PUDP: variants seen among roughly 807,000 people sequenced by gnomAD.
PUDP encodes pseudouridine 5'-phosphatase.
Under a neutral mutation model 9.4 loss-of-function variants are expected in PUDP, and 8 were observed. The ratio of observed to expected loss-of-function variants is 0.85; its 90% CI spans 0.50 to 1.53. The LOEUF is 1.53. PUDP is among the 40% of genes most tolerant of loss of function. PUDP has a pLI of 0.00. For missense variants in PUDP, 188 were observed against 189.7 expected (o/e 0.99, Z 0.05); for synonymous variants, 99 against 80.7 (o/e 1.23, Z -1.22).
At chrX:6,768,101 C>T (rs1168146650) in intron 3 of PUDP, among the ~76,000 whole-genome samples, 1 of 111,764 alleles carries the variant, frequency 8.9e-6, no homozygotes, top group East Asian at 2.8e-4. Flanking sequence ...TAAGAATAAT[C>T]CAATGTTGGA....
At chrX:6,922,391 CACAA>C (rs1158544080) in intron 3 of PUDP, among the ~76,000 whole-genome samples, 4 of 110,951 alleles carry the variant, frequency 3.6e-5, no homozygotes, top group Non-Finnish European at 7.5e-5. Flanking sequence ...ACTATATACC[CACAA>C]AAATTTTTTA....
chrX:6,970,151 G>C (rs765803992), intron 3 of PUDP, among the ~76,000 whole-genome samples: 2 of 111,970 alleles, frequency 1.8e-5, no homozygotes, highest in Admixed American at 1.9e-4. Flanking sequence ...AAGATCCAAA[G>C]AAATATAGCA....
At chrX:6,922,972 CT>C in intron 3 of PUDP, among the ~76,000 whole-genome samples, 1 of 112,228 alleles carries the variant, frequency 8.9e-6, no homozygotes, top group East Asian at 2.8e-4. Flanking sequence ...TTGCCACTTT[CT>C]TTTCTACCAT....
chrX:7,017,745 C>A lies in PUDP; in HGVS notation c.205-39402G>T, dbSNP rs920107483. On this transcript the variant is annotated intron_variant and NMD_transcript_variant, in intron 1 of 3. Transcript: ENST00000655425. ...CAATGTTTTCCCAAAACAGAAGTAA[C>A]ATGAGCACATGTGGAACTGTCAGAG... Among the ~76,000 whole-genome samples the A allele has an allele frequency of 3.6e-5, 4 of 111,968 alleles. 1 individual carries two copies. Among genetic ancestry groups the A allele is most frequent in the African/African-American group, 1.3e-4 (4 of 30,730 alleles).
At chrX:7,069,146 C>T (rs1328791113) in intron 3 of PUDP, among the ~76,000 whole-genome samples, 2 of 111,594 alleles carry the variant, frequency 1.8e-5, no homozygotes, top group Non-Finnish European at 1.9e-5. Context: ...TGGATGAGGG[C>T]GGATGGGCAT....
chrX:7,116,912 C>T (rs1602806953), intron 1 of PUDP: 1 of 1,160,548 alleles, frequency 8.6e-7, no homozygotes, highest in East Asian at 3.3e-5. Context: ...TACCTCCCCC[C>T]AACTCTCTCT....
At chrX:6,955,472 C>G (rs1438354307) in intron 3 of PUDP, among the ~76,000 whole-genome samples, 7 of 111,149 alleles carry the variant, frequency 6.3e-5, no homozygotes, top group African/African-American at 2.3e-4. Context: ...CTTAACATAA[C>G]CAGATTATGT....
chrX:7,004,581 C>T (rs557633148), intron 1 of PUDP, among the ~76,000 whole-genome samples: 2 of 112,085 alleles, frequency 1.8e-5, no homozygotes, highest in African/African-American at 3.2e-5. Context: ...GAAAGGTTTG[C>T]CTTTTATTCC....
At chrX:6,746,574 A>C (rs984814129) in intron 3 of PUDP, among the ~76,000 whole-genome samples, 5 of 107,452 alleles carry the variant, frequency 4.7e-5, no homozygotes, top group Non-Finnish European at 7.7e-5. Flanking sequence ...CCCCCACCCC[A>C]TCCCCCAACA....
chrX:6,815,836 T>C (rs1391095634), intron 3 of PUDP, among the ~76,000 whole-genome samples: 1 of 109,270 alleles, frequency 9.2e-6, no homozygotes, highest in Non-Finnish European at 1.9e-5. Flanking sequence ...CTATACCAAA[T>C]CCTCCCATAA....
At chrX:6,934,516 C>T (rs1214764163) in intron 3 of PUDP, among the ~76,000 whole-genome samples, 2 of 109,817 alleles carry the variant, frequency 1.8e-5, no homozygotes, top group African/African-American at 3.3e-5. Flanking sequence ...CGGTACCAGC[C>T]GCTGCAAAAT....
At chrX:6,750,761 T>C (rs140481179) in intron 3 of PUDP, among the ~76,000 whole-genome samples, 1,818 of 112,053 alleles carry the variant, frequency 0.016, 46 homozygotes, top group African/African-American at 0.056. Context: ...CAGTAACTAC[T>C]TCAACAGGAA....
intron 3 of PUDP, among the ~76,000 whole-genome samples, chrX:6,918,408 A>G (rs1927967866): frequency 8.9e-6 from 1 of 112,093 alleles, no homozygotes; most frequent in African/African-American, 3.2e-5. Flanking sequence ...GCTGATCCTC[A>G]TTGCAGTATG....
Position 6,874,139 on chromosome X carries a change from A to T in PUDP, c.*247+102994T>A, listed in dbSNP as rs1460305149. Reference sequence around the variant, plus strand: ...CCAGAGAGAGACCCCATCTCTTAAAAAAAAAAGAAAGAAAGGATTTTTTTT... The same window carrying T: ...CCAGAGAGAGACCCCATCTCTTAAATAAAAAAGAAAGAAAGGATTTTTTTT... On this transcript the variant is annotated intron_variant and NMD_transcript_variant, in intron 3 of 3. Coordinates refer to the PUDP transcript ENST00000655425. 4.5e-5 allele frequency among the ~76,000 whole-genome samples: 5 copies of T among 110,759 alleles called. No individual in the cohort carries two copies. The Admixed American group carries it at 4.8e-4, about 11-fold the overall frequency.
At chrX:6,854,110 G>A (rs1268294232) in intron 3 of PUDP, among the ~76,000 whole-genome samples, 1 of 111,746 alleles carries the variant, frequency 8.9e-6, no homozygotes, top group Non-Finnish European at 1.9e-5. Context: ...TCACATATCA[G>A]TACTTCCTTC....
chrX:7,138,919 T>C (rs922138792), intron 1 of PUDP, among the ~76,000 whole-genome samples: 2 of 111,971 alleles, frequency 1.8e-5, no homozygotes, highest in Admixed American at 1.9e-4. Context: ...TAATACAGTC[T>C]TTGCTTGATA....
chrX:6,818,589 T>C (rs1926288565), intron 3 of PUDP, among the ~76,000 whole-genome samples: 1 of 112,404 alleles, frequency 8.9e-6, no homozygotes, highest in Admixed American at 9.4e-5. Flanking sequence ...AGAATGGAAA[T>C]ACAAACCACT....
intron 3 of PUDP, among the ~76,000 whole-genome samples, chrX:6,808,334 T>G (rs1346166618): frequency 8.9e-6 from 1 of 112,168 alleles, no homozygotes; most frequent in African/African-American, 3.2e-5. Context: ...CCATTCTCTA[T>G]AAAATATTTT....
At chrX:6,741,232 C>T (rs1602603565) in intron 3 of PUDP, among the ~76,000 whole-genome samples, 1 of 110,647 alleles carries the variant, frequency 9.0e-6, no homozygotes, top group East Asian at 2.8e-4. Flanking sequence ...CTCTGCAGCT[C>T]TAAGCCAGTG....
Sources: gnomAD v4.1 joint callset for allele counts (sites outside exome capture counted in the v4.1 genomes callset) on GRCh38, gnomAD v4.1.1 for gene constraint, MANE v1.5 for transcripts, NCBI Gene and HGNC (gene_info 2026-07-23, HGNC 2026-07-21) for gene names.